MYH11: variants seen among roughly 807,000 people sequenced by gnomAD.
MYH11 encodes the protein myosin-11.
MYH11 carries 80 observed loss-of-function variants against 246.6 expected under a neutral mutation model. The observed-to-expected ratio is 0.32, with a 90% CI of 0.27 to 0.39. MYH11 has a LOEUF of 0.39. MYH11 is among the 10% of genes least tolerant of loss of function. MYH11 has a pLI of 1.00. For synonymous variants in MYH11, 1,071 were observed against 1,015.5 expected (o/e 1.05, Z -1.04); for missense variants, 2,158 against 2,546.8 (o/e 0.85, Z 3.29).
At chr16:15,743,605 C>A (rs2041336497) in intron 20 of MYH11, among the ~76,000 whole-genome samples, 1 of 152,204 alleles carries the variant, frequency 6.6e-6, no homozygotes, top group African/African-American at 2.4e-5. Flanking sequence ...ACAAGGAAGC[C>A]CCTGCTATGT....
At chr16:15,774,476 G>A (rs1317904250) in intron 8 of MYH11, among the ~76,000 whole-genome samples, 2 of 152,164 alleles carry the variant, frequency 1.3e-5, no homozygotes, top group African/African-American at 4.8e-5. Flanking sequence ...GTCCTGCACT[G>A]TAACTGCTAA....
chr16:15,703,660 C>G lies in MYH11; in HGVS notation c.*331G>C. ...CTGGAGTGCAATGATGCAATTATAGCTCATTGCAGCCTCGAAGTCCTGGGC... is the reference window on the plus strand; with the variant it reads ...CTGGAGTGCAATGATGCAATTATAGGTCATTGCAGCCTCGAAGTCCTGGGC... On this transcript the variant is annotated 3_prime_UTR_variant, in exon 41 of 41. Transcript: ENST00000300036. The G allele has an allele frequency of 4.6e-6, 2 of 438,272 alleles. No homozygotes were observed. The highest frequency in any genetic ancestry group is 8.6e-6 in the Non-Finnish European group (2 of 233,736). The allele number at this position is 438,272 out of a possible 1,614,324, so 27.1% of individuals were successfully genotyped here.
At chr16:15,739,104 C>CTTT (rs764928194) in intron 23 of MYH11, among the ~76,000 whole-genome samples, 2 of 144,934 alleles carry the variant, frequency 1.4e-5, no homozygotes, top group African/African-American at 5.0e-5. Context: ...CTGCTGTATT[C>CTTT]TTTTTTTTTT....
At chr16:15,720,807 C>G (rs921980128) in intron 33 of MYH11, 32 bp downstream of exon 33, 20 of 1,606,828 alleles carry the variant, frequency 1.2e-5, no homozygotes, top group Non-Finnish European at 1.7e-5. Context: ...GCCACCCGAC[C>G]TCCCTCTGCT....
At chr16:15,742,007 A>AGT in intron 20 of MYH11, 116 bp from the exon 21 acceptor site, 19 of 1,423,074 alleles carry the variant, frequency 1.3e-5, no homozygotes, top group East Asian at 2.5e-5. Context: ...GATCCCCACT[A>AGT]GGGGATATTG....
chr16:15,771,264 C>T (rs1395105946), intron 9 of MYH11, among the ~76,000 whole-genome samples: 1 of 151,926 alleles, frequency 6.6e-6, no homozygotes, highest in Non-Finnish European at 1.5e-5. Context: ...CCCCGCAAAG[C>T]GCTGAGATTA....
At chr16:15,722,382 A>G (rs149699599) in intron 31 of MYH11, among the ~76,000 whole-genome samples, 6 of 152,326 alleles carry the variant, frequency 3.9e-5, no homozygotes, top group Non-Finnish European at 8.8e-5. Flanking sequence ...CTCAGAGAAC[A>G]TTCCATGCTC....
intron 28 of MYH11, chr16:15,726,338 T>G (rs1350096381): frequency 5.7e-6 from 1 of 175,036 alleles, no homozygotes; most frequent in East Asian, 1.5e-4. Context: ...CAATAAATAC[T>G]TATCAAATTG....
At chr16:15,753,998 G>A (rs748863696) in intron 14 of MYH11, among the ~76,000 whole-genome samples, 1 of 151,174 alleles carries the variant, frequency 6.6e-6, no homozygotes, top group Non-Finnish European at 1.5e-5. Context: ...TTGAGGTCAG[G>A]CGTTCAAGAC....
chr16:15,817,795 C>T (rs561140490), intron 3 of MYH11, among the ~76,000 whole-genome samples: 23 of 152,274 alleles, frequency 1.5e-4, no homozygotes, highest in African/African-American at 4.8e-4. Flanking sequence ...TACCCATTCT[C>T]ACCCCTACAT....
At chr16:15,820,770 A>G (rs1208860011) in intron 3 of MYH11, among the ~76,000 whole-genome samples, 1 of 152,236 alleles carries the variant, frequency 6.6e-6, no homozygotes, top group African/African-American at 2.4e-5. Context: ...CTCTTAATTC[A>G]TTTTATACTG....
intron 5 of MYH11, chr16:15,785,870 A>C: frequency 6.4e-6 from 1 of 157,058 alleles, no homozygotes; most frequent in Non-Finnish European, 1.4e-5. Context: ...TATTTGAGGG[A>C]TTCTTTGACA....
At chr16:15,739,439 G>C (rs944363481) in intron 23 of MYH11, among the ~76,000 whole-genome samples, 2 of 152,032 alleles carry the variant, frequency 1.3e-5, no homozygotes, top group African/African-American at 4.8e-5. Context: ...TTCCTTCAGA[G>C]CCCTGATCAC....
chr16:15,788,075 A>ATTTTTTTTTTTTTTTTTTTTTT (rs1555569323), intron 4 of MYH11, among the ~76,000 whole-genome samples: 4 of 42,718 alleles, frequency 9.4e-5, no homozygotes, highest in African/African-American at 1.3e-4. Flanking sequence ...ATGAAGGTAG[A>ATTTTTTTTTTTTTTTTTTTTTT]TCTTTTTTTT....
intron 15 of MYH11, among the ~76,000 whole-genome samples, chr16:15,752,461 C>T (rs564388362): frequency 3.3e-5 from 5 of 152,176 alleles, no homozygotes; most frequent in Non-Finnish European, 7.4e-5. Context: ...CAAAGGGAGC[C>T]GGAGTGTGGT....
chr16:15,763,382 G>T (rs559034529), intron 10 of MYH11, among the ~76,000 whole-genome samples: 1 of 152,068 alleles, frequency 6.6e-6, no homozygotes, highest in South Asian at 2.1e-4. Flanking sequence ...TGGTCCCTCG[G>T]GATCTTGTCT....
At chr16:15,851,964 TA>T (rs777356386) in intron 1 of MYH11, among the ~76,000 whole-genome samples, 21 of 152,142 alleles carry the variant, frequency 1.4e-4, no homozygotes, top group Non-Finnish European at 3.1e-4. Context: ...TATAGTCTCC[TA>T]TGTCAGGGGT....
intron 3 of MYH11, among the ~76,000 whole-genome samples, chr16:15,805,942 A>G (rs2043000025): frequency 6.6e-6 from 1 of 152,038 alleles, no homozygotes; most frequent in South Asian, 2.1e-4. Context: ...GTATGAATCC[A>G]TGATACAACG....
intron 9 of MYH11, among the ~76,000 whole-genome samples, chr16:15,765,915 A>G (rs993353116): frequency 4.6e-5 from 7 of 152,338 alleles, no homozygotes; most frequent in African/African-American, 1.7e-4. Context: ...AAATGCCTGC[A>G]CAGCCCAGGC....
Sources: allele counts gnomAD v4.1 joint callset (sites outside exome capture counted in the v4.1 genomes callset), GRCh38; gene constraint gnomAD v4.1.1; transcripts MANE v1.5; gene names NCBI Gene and HGNC (gene_info 2026-07-23, HGNC 2026-07-21).